Variants in IQUB observed in about 807,000 individuals in gnomAD.
IQUB encodes IQ motif and ubiquitin domain containing, also known as IQ motif and ubiquitin-like domain-containing protein.
IQUB carries 86 observed loss-of-function variants against 86.4 expected under a neutral mutation model. The observed-to-expected ratio is 1.00, with a 90% CI of 0.84 to 1.19. The LOEUF is 1.19. Ranked by LOEUF, IQUB falls within the 50% of genes most tolerant of loss-of-function variation. The probability of loss-of-function intolerance (pLI) is 0.00; values close to 1 mark genes in which losing one functional copy is unlikely to be tolerated. For synonymous variants in IQUB, 289 were observed against 304.5 expected (o/e 0.95, Z 0.53); for missense variants, 946 against 916.9 (o/e 1.03, Z -0.41).
In IQUB at chr7:123,469,279, T is replaced by A. The variant is rs781692022; in HGVS notation, c.1516A>T (p.Met506Leu). 6.2e-7 allele frequency: 1 copy of A among 1,608,816 alleles called. No homozygotes were observed. Among genetic ancestry groups the A allele is most frequent in the East Asian group, 2.2e-5 (1 of 44,628 alleles). The change falls in exon 9 of 13, where the codon ATG becomes TTG. Residue 506 changes from methionine to leucine, a missense_variant. Coordinates refer to ENST00000324698, the MANE Select transcript of IQUB (RefSeq NM_178827.5). Reference protein sequence around the residue: ...RELQNIYKCIMLKNISQDERL... With the variant: ...RELQNIYKCILLKNISQDERL... ...TCATCTTGGGAGATATTTTTCAGCATAATGCACTTATAGATATTTTGCAGC... is the reference window on the plus strand; with the variant it reads ...TCATCTTGGGAGATATTTTTCAGCAAAATGCACTTATAGATATTTTGCAGC...
At chr7:123,481,120 A>C (rs1794984103) in intron 7 of IQUB, among the ~76,000 whole-genome samples, 1 of 152,156 alleles carries the variant, frequency 6.6e-6, no homozygotes, top group Admixed American at 6.6e-5. Context: ...TCCTTCTCTT[A>C]GCAGCTTGAA....
chr7:123,510,012 C>A lies in IQUB; in HGVS notation c.421G>T (p.Gly141Cys). ...ATVKVVLIPV[G>C]QEIVIPFKVD... ...TTAAAAGGTATTACAATTTCCTGGCCCACTGGAATAAGTACAACTTTTACT... is the reference window on the plus strand; with the variant it reads ...TTAAAAGGTATTACAATTTCCTGGCACACTGGAATAAGTACAACTTTTACT... The change falls in exon 3 of 13, where the codon GGC becomes TGC. Residue 141 changes from glycine (G) to cysteine (C), a missense_variant. Gly to Cys is a radical substitution (Grantham distance 159). Coordinates refer to ENST00000324698, the MANE Select transcript of IQUB (RefSeq NM_178827.5). 1 of 1,572,464 alleles carries A rather than the reference C, an allele frequency of 6.4e-7. No homozygotes were observed. The highest frequency in any genetic ancestry group is 1.8e-5 in the Admixed American group (1 of 55,318).
chr7:123,513,045 AG>A (rs1349501824), intron 1 of IQUB, among the ~76,000 whole-genome samples: 1 of 152,178 alleles, frequency 6.6e-6, no homozygotes. Flanking sequence ...TATAGAAGTC[AG>A]GAAGGGAAAA....
Position 123,496,909 on chromosome 7 carries a change from A to G in IQUB, c.1024-3T>C, listed in dbSNP as rs764276812. On this transcript the variant is annotated splice_region_variant and splice_polypyrimidine_tract_variant and intron_variant, in intron 6 of 12. Coordinates refer to ENST00000324698, the MANE Select transcript of IQUB (RefSeq NM_178827.5). ...TAGTAAGTCTGTATCACTATCACCT[A>G]TAGTTAAATTAAAAGGAAATAGAAA... 2 of 1,573,484 alleles carry G rather than the reference A, an allele frequency of 1.3e-6. No homozygotes were observed. The highest frequency in any genetic ancestry group is 1.7e-6 in the Non-Finnish European group (2 of 1,159,254).
intron 8 of IQUB, among the ~76,000 whole-genome samples, chr7:123,475,318 T>A (rs1222011211): frequency 6.6e-6 from 1 of 150,984 alleles, no homozygotes; most frequent in East Asian, 2.0e-4. Flanking sequence ...AAAAAATAGA[T>A]CTTCCTTCCT....
At chr7:123,464,261 C>T (rs959700578) in intron 10 of IQUB, among the ~76,000 whole-genome samples, 2 of 151,818 alleles carry the variant, frequency 1.3e-5, no homozygotes, top group Non-Finnish European at 1.5e-5. Flanking sequence ...AGAAGCCTAA[C>T]GACGCTGGAG....
intron 3 of IQUB, 98 bp from the exon 4 acceptor site, chr7:123,503,461 A>G (rs2117210707): frequency 1.4e-6 from 1 of 692,362 alleles, no homozygotes; most frequent in Non-Finnish European, 2.4e-6. Flanking sequence ...AAAATTGTAT[A>G]TATTGTGTAC....
At chr7:123,492,954 T>A (rs534616063) in intron 7 of IQUB, among the ~76,000 whole-genome samples, 1 of 152,190 alleles carries the variant, frequency 6.6e-6, no homozygotes, top group Non-Finnish European at 1.5e-5. Context: ...AATTGCCCTG[T>A]TGCAGGCTCA....
chr7:123,532,201 C>T (rs1797564803), intron 1 of IQUB, among the ~76,000 whole-genome samples: 1 of 152,162 alleles, frequency 6.6e-6, no homozygotes, highest in African/African-American at 2.4e-5. Flanking sequence ...AAGAGTCCTA[C>T]TTTTATTGTC....
intron 11 of IQUB, among the ~76,000 whole-genome samples, chr7:123,460,796 C>T (rs981879478): frequency 6.6e-6 from 1 of 151,816 alleles, no homozygotes; most frequent in Non-Finnish European, 1.5e-5. Flanking sequence ...GTCAGAATTC[C>T]TGATCTCACA....
chr7:123,463,753 G>A (rs1794112232), intron 10 of IQUB, among the ~76,000 whole-genome samples: 2 of 151,600 alleles, frequency 1.3e-5, no homozygotes, highest in Non-Finnish European at 3.0e-5. Flanking sequence ...TTACCAAAAA[G>A]AGTAAATTTT....
In IQUB at chr7:123,533,673, G is replaced by A. The variant is rs577978098; in HGVS notation, c.-5+819C>T. Among the ~76,000 whole-genome samples the A allele has an allele frequency of 2.0e-5, 3 of 152,308 alleles. 1 individual carries two copies. The South Asian group carries it at 6.2e-4, about 32-fold the overall frequency. On this transcript the variant is annotated intron_variant, in intron 1 of 12. Coordinates refer to ENST00000324698, the MANE Select transcript of IQUB (RefSeq NM_178827.5). ...TTGATAGAAAACAACTGGACACACAGTCTTAAGTGTAAAAGCCAATCACAG... is the reference window on the plus strand; with the variant it reads ...TTGATAGAAAACAACTGGACACACAATCTTAAGTGTAAAAGCCAATCACAG...
chr7:123,530,117 G>T (rs541767792), intron 1 of IQUB, among the ~76,000 whole-genome samples: 1 of 152,086 alleles, frequency 6.6e-6, no homozygotes, highest in Non-Finnish European at 1.5e-5. Context: ...GCTGAAACAC[G>T]GATCACTTGA....
At chr7:123,534,155 G>C (rs1239746572) in intron 1 of IQUB, among the ~76,000 whole-genome samples, 2 of 152,132 alleles carry the variant, frequency 1.3e-5, no homozygotes, top group Non-Finnish European at 2.9e-5. Flanking sequence ...AAGGCTAAGA[G>C]TCTCTAGTGC....
At chr7:123,503,880 T>C (rs1796059537) in intron 3 of IQUB, among the ~76,000 whole-genome samples, 1 of 152,034 alleles carries the variant, frequency 6.6e-6, no homozygotes. Flanking sequence ...TTCGGCATTA[T>C]AAATAACACT....
chr7:123,463,537 T>TG (rs1794099351), intron 10 of IQUB, among the ~76,000 whole-genome samples: 1 of 151,834 alleles, frequency 6.6e-6, no homozygotes, highest in East Asian at 1.9e-4. Context: ...CTCAAAAGAC[T>TG]ACATATAGTA....
At chr7:123,478,088 G>C (rs1426484545) in intron 8 of IQUB, among the ~76,000 whole-genome samples, 1 of 152,084 alleles carries the variant, frequency 6.6e-6, no homozygotes, top group Non-Finnish European at 1.5e-5. Context: ...TCCCATTAGT[G>C]GGTATATACT....
At chr7:123,466,524 G>A (rs1203464508) in intron 9 of IQUB, among the ~76,000 whole-genome samples, 1 of 152,058 alleles carries the variant, frequency 6.6e-6, no homozygotes, top group East Asian at 1.9e-4. Flanking sequence ...TCTTTGAAAA[G>A]GTAGTCCAGA....
At chr7:123,501,399 C>A (rs1226041840) in intron 6 of IQUB, 1 of 152,176 alleles carries the variant, frequency 6.6e-6, no homozygotes, top group Non-Finnish European at 1.5e-5. Flanking sequence ...CTAATCAGGT[C>A]AGCTACAAAA....
Sources: allele counts gnomAD v4.1 joint callset (sites outside exome capture counted in the v4.1 genomes callset), GRCh38; gene constraint gnomAD v4.1.1; transcripts MANE v1.5; gene names NCBI Gene and HGNC (gene_info 2026-07-23, HGNC 2026-07-21).